The following CLSTN2 variants were observed in gnomAD, a reference collection of about 807,000 sequenced individuals.
CLSTN2 encodes calsyntenin 2.
In CLSTN2, 48 loss-of-function variants were observed where a neutral mutation model predicts 101.2. The ratio of observed to expected loss-of-function variants is 0.47; its 90% CI spans 0.38 to 0.60. The LOEUF (loss-of-function observed/expected upper bound fraction) is 0.60, where lower values mean the gene tolerates loss of function less well. Ranked by LOEUF, CLSTN2 falls within the 20% of genes least tolerant of loss-of-function variation. CLSTN2 has a pLI of 0.00. For missense variants in CLSTN2, 1,160 were observed against 1,238.2 expected (o/e 0.94, Z 0.95); for synonymous variants, 481 against 463.6 (o/e 1.04, Z -0.48).
intron 8 of CLSTN2, among the ~76,000 whole-genome samples, chr3:140,530,045 C>T (rs1935222404): frequency 6.6e-6 from 1 of 152,122 alleles, no homozygotes; most frequent in Non-Finnish European, 1.5e-5. Context: ...TTAAAAATAC[C>T]TCCAGCCTTT....
At chr3:140,152,384 G>C (rs1012499054) in intron 1 of CLSTN2, among the ~76,000 whole-genome samples, 1 of 151,990 alleles carries the variant, frequency 6.6e-6, no homozygotes, top group Non-Finnish European at 1.5e-5. Flanking sequence ...ATTTTTGAAG[G>C]GTGGTCCCTC....
chr3:140,174,799 T>TA (rs2010295612), intron 1 of CLSTN2, among the ~76,000 whole-genome samples: 1 of 152,122 alleles, frequency 6.6e-6, no homozygotes, highest in Admixed American at 6.5e-5. Flanking sequence ...ATGTGGGAAT[T>TA]ATGGGAGTAC....
At chr3:140,497,623 G>A (rs532523789) in intron 8 of CLSTN2, among the ~76,000 whole-genome samples, 1 of 152,206 alleles carries the variant, frequency 6.6e-6, no homozygotes, top group Non-Finnish European at 1.5e-5. Flanking sequence ...TGCCATGGAA[G>A]TGGGGTCCAC....
chr3:140,205,073 G>A (rs1485614938), intron 2 of CLSTN2, among the ~76,000 whole-genome samples: 1 of 152,176 alleles, frequency 6.6e-6, no homozygotes, highest in Non-Finnish European at 1.5e-5. Flanking sequence ...TTTTCTGTAA[G>A]TTACGGCCCT....
chr3:140,213,306 A>G (rs1489790751), intron 2 of CLSTN2, among the ~76,000 whole-genome samples: 1 of 152,164 alleles, frequency 6.6e-6, no homozygotes, highest in African/African-American at 2.4e-5. Context: ...CATATTACCC[A>G]AAGAAAATAT....
chr3:140,553,407 G>T (rs1307866742), intron 10 of CLSTN2, among the ~76,000 whole-genome samples: 1 of 152,126 alleles, frequency 6.6e-6, no homozygotes, highest in East Asian at 1.9e-4. Context: ...AGTCTAAGAG[G>T]GAAAAGGAAA....
intron 8 of CLSTN2, among the ~76,000 whole-genome samples, chr3:140,497,199 C>G (rs548681827): frequency 6.6e-6 from 1 of 152,000 alleles, no homozygotes; most frequent in South Asian, 2.1e-4. Flanking sequence ...CTTGGACTCT[C>G]CAGAGCCAGC....
intron 9 of CLSTN2, among the ~76,000 whole-genome samples, chr3:140,538,732 T>G (rs1313840603): frequency 2.6e-5 from 4 of 152,202 alleles, no homozygotes; most frequent in Non-Finnish European, 4.4e-5. Context: ...TGTCTACAGC[T>G]GGAAGAAAGA....
At chr3:139,948,067 C>T (rs116439799) in intron 1 of CLSTN2, among the ~76,000 whole-genome samples, 1,629 of 152,250 alleles carry the variant, frequency 0.011, 38 homozygotes, top group African/African-American at 0.036. Context: ...AGAATCATCA[C>T]ATTAGCCTTT....
At chr3:140,262,993 A>G (rs1026431591) in intron 2 of CLSTN2, among the ~76,000 whole-genome samples, 4 of 143,026 alleles carry the variant, frequency 2.8e-5, no homozygotes, top group African/African-American at 1.1e-4. Context: ...GGATTTTTGA[A>G]GAAGAACAAA....
intron 1 of CLSTN2, among the ~76,000 whole-genome samples, chr3:140,119,867 G>T (rs4608650): frequency 3.3e-5 from 5 of 152,090 alleles, no homozygotes; most frequent in African/African-American, 7.2e-5. Context: ...AGTTGAGTTG[G>T]AGTCTTCAGC....
At chr3:140,473,266 C>T (rs1002902428) in intron 8 of CLSTN2, among the ~76,000 whole-genome samples, 14 of 152,192 alleles carry the variant, frequency 9.2e-5, no homozygotes, top group Middle Eastern at 3.2e-3. Flanking sequence ...CCTCATTACT[C>T]TCATGCCATG....
intron 1 of CLSTN2, among the ~76,000 whole-genome samples, chr3:140,168,981 T>A (rs1225937476): frequency 1.3e-5 from 2 of 152,110 alleles, no homozygotes; most frequent in African/African-American, 4.8e-5. Context: ...ATGTCAGGTC[T>A]TTTTCATTTA....
At chr3:140,171,038 A>C (rs985824840) in intron 1 of CLSTN2, among the ~76,000 whole-genome samples, 2 of 152,204 alleles carry the variant, frequency 1.3e-5, no homozygotes, top group South Asian at 4.1e-4. Flanking sequence ...TGCTTTGTAC[A>C]CAGTTCTAAT....
At chr3:140,545,274 T>A (rs1214870110) in intron 9 of CLSTN2, among the ~76,000 whole-genome samples, 1 of 152,098 alleles carries the variant, frequency 6.6e-6, no homozygotes, top group Non-Finnish European at 1.5e-5. Context: ...AGAGAAGACT[T>A]TCACAGAAGG....
chr3:140,291,071 A>G (rs534041629), intron 2 of CLSTN2, among the ~76,000 whole-genome samples: 1 of 152,146 alleles, frequency 6.6e-6, no homozygotes, highest in Admixed American at 6.5e-5. Flanking sequence ...TCAGCAAAAC[A>G]TTACTCATCT....
chr3:140,386,606 C>A (rs1396786208), intron 2 of CLSTN2, among the ~76,000 whole-genome samples: 1 of 152,204 alleles, frequency 6.6e-6, no homozygotes, highest in African/African-American at 2.4e-5. Flanking sequence ...CAGCTTAACT[C>A]TTTCTCTCTC....
intron 5 of CLSTN2, among the ~76,000 whole-genome samples, chr3:140,429,778 T>G (rs532914415): frequency 9.9e-5 from 15 of 152,230 alleles, no homozygotes; most frequent in Admixed American, 5.2e-4. Flanking sequence ...ATGTATTTGT[T>G]TATTCCAAAC....
intron 1 of CLSTN2, among the ~76,000 whole-genome samples, chr3:139,972,689 A>C (rs1935736671): frequency 6.6e-6 from 1 of 152,150 alleles, no homozygotes; most frequent in Non-Finnish European, 1.5e-5. Flanking sequence ...GACATGCATT[A>C]ATGCTGTGAC....
Sources: allele counts gnomAD v4.1 joint callset (sites outside exome capture counted in the v4.1 genomes callset), GRCh38; gene constraint gnomAD v4.1.1; transcripts MANE v1.5; gene names NCBI Gene and HGNC (gene_info 2026-07-23, HGNC 2026-07-21).